TRMT11: variants seen among roughly 807,000 people sequenced by gnomAD.
TRMT11 encodes tRNA methyltransferase 11, also known as tRNA (guanine(10)-N(2))-methyltransferase TRMT11.
In TRMT11, 53 loss-of-function variants were observed where a neutral mutation model predicts 62.8. The ratio of observed to expected loss-of-function variants is 0.84; its 90% CI spans 0.68 to 1.06. TRMT11 has a LOEUF of 1.06. Ranked by LOEUF, TRMT11 falls within the 50% of genes least tolerant of loss-of-function variation. The pLI, the probability that TRMT11 is intolerant of heterozygous loss-of-function variation, is 0.00. For missense variants in TRMT11, 556 were observed against 553.4 expected (o/e 1.00, Z -0.05); for synonymous variants, 188 against 190.3 (o/e 0.99, Z 0.10).
At chr6:126,128,935 A>G (rs2128205113) in intron 21 of TRMT11, among the ~76,000 whole-genome samples, 1 of 126,128 alleles carries the variant, frequency 7.9e-6, no homozygotes, top group South Asian at 2.4e-4. Context: ...TTTTTTTTGC[A>G]CAGCTTTCAA....
At chr6:126,151,905 C>CTCTT (rs66890632) in intron 21 of TRMT11, among the ~76,000 whole-genome samples, 6,511 of 80,388 alleles carry the variant, frequency 0.081, 687 homozygotes, top group East Asian at 0.11. Flanking sequence ...TCTTTCTTTT[C>CTCTT]TCTTTCTTTC....
At chr6:126,121,986 G>C (rs938957779) in intron 21 of TRMT11, among the ~76,000 whole-genome samples, 2 of 152,066 alleles carry the variant, frequency 1.3e-5, no homozygotes, top group Non-Finnish European at 2.9e-5. Context: ...ATTCCCATGT[G>C]TCATAGGAGG....
At chr6:126,095,553 G>C (rs1030388733) in intron 17 of TRMT11, among the ~76,000 whole-genome samples, 8 of 152,304 alleles carry the variant, frequency 5.3e-5, no homozygotes, top group Middle Eastern at 3.4e-3. Context: ...TGTAGATCAC[G>C]TTATTCAGTC....
intron 16 of TRMT11, among the ~76,000 whole-genome samples, chr6:126,050,456 G>A (rs1280208543): frequency 6.6e-6 from 1 of 152,094 alleles, no homozygotes; most frequent in Non-Finnish European, 1.5e-5. Context: ...TATTCTCAGA[G>A]CTTTGAGAGG....
chr6:126,212,303 G>C, the TRMT11 span, among the ~76,000 whole-genome samples: 25 of 152,218 alleles, frequency 1.6e-4, no homozygotes, highest in African/African-American at 5.5e-4. Context: ...GGGATTGCTG[G>C]ATCATATGGT....
At chr6:126,083,073 A>G (rs1386904454) in intron 17 of TRMT11, among the ~76,000 whole-genome samples, 3 of 152,204 alleles carry the variant, frequency 2.0e-5, no homozygotes, top group Non-Finnish European at 4.4e-5. Context: ...TATTTTTCCA[A>G]AGAAGACATA....
the TRMT11 span, among the ~76,000 whole-genome samples, chr6:126,220,502 A>G: frequency 2.0e-5 from 3 of 152,152 alleles, no homozygotes; most frequent in South Asian, 2.1e-4. Context: ...TTTGCTCCCA[A>G]ATGAAAGGAG....
chr6:126,096,442 C>G (rs1458909244), intron 17 of TRMT11, among the ~76,000 whole-genome samples: 1 of 152,202 alleles, frequency 6.6e-6, no homozygotes, highest in East Asian at 1.9e-4. Context: ...GTCTCTAACT[C>G]TCAGCAGCAG....
At chr6:125,986,819 C>G (rs1489788195) in intron 1 of TRMT11, 197 bp downstream of exon 1, 1 of 563,992 alleles carries the variant, frequency 1.8e-6, no homozygotes. Flanking sequence ...GAGACCAAAC[C>G]CCTCGGCCTG....
At chr6:126,190,341 C>T (rs551382786) in intron 1 of TRMT11, among the ~76,000 whole-genome samples, 3 of 152,148 alleles carry the variant, frequency 2.0e-5, no homozygotes, top group South Asian at 4.1e-4. Flanking sequence ...ATGCTGTTCT[C>T]GAGATAGGGA....
At chr6:126,153,957 T>A (rs897617205) in intron 21 of TRMT11, among the ~76,000 whole-genome samples, 7 of 152,304 alleles carry the variant, frequency 4.6e-5, no homozygotes, top group African/African-American at 1.7e-4. Context: ...CAGTGAGTCA[T>A]TCTCACTGCA....
At chr6:126,052,584 C>T (rs534156982) in intron 16 of TRMT11, among the ~76,000 whole-genome samples, 1 of 152,194 alleles carries the variant, frequency 6.6e-6, no homozygotes, top group East Asian at 1.9e-4. Context: ...ATGCATTTGG[C>T]AGAGCTCATG....
chr6:126,184,857 C>G (rs1056950441), intron 1 of TRMT11, among the ~76,000 whole-genome samples: 1 of 152,132 alleles, frequency 6.6e-6, no homozygotes, highest in Non-Finnish European at 1.5e-5. Flanking sequence ...TAAATGCAAT[C>G]AGAGGCAGCC....
chr6:126,105,769 G>A (rs1777458024), intron 17 of TRMT11, among the ~76,000 whole-genome samples: 1 of 152,068 alleles, frequency 6.6e-6, no homozygotes, highest in Non-Finnish European at 1.5e-5. Flanking sequence ...GAGAGTAAGG[G>A]GAAAGCACAA....
intron 16 of TRMT11, among the ~76,000 whole-genome samples, chr6:126,049,504 A>C (rs1776151777): frequency 6.6e-6 from 1 of 151,620 alleles, no homozygotes; most frequent in South Asian, 2.1e-4. Flanking sequence ...GTTCCTCTGT[A>C]TTAGTTGTAT....
intron 17 of TRMT11, among the ~76,000 whole-genome samples, chr6:126,093,610 TATA>T (rs1380622448): frequency 1.8e-4 from 17 of 95,296 alleles, no homozygotes; most frequent in African/African-American, 9.2e-4. Flanking sequence ...TATATATATA[TATA>T]TATATATATA....
At chr6:126,054,305 T>C (rs1458688966) in intron 17 of TRMT11, among the ~76,000 whole-genome samples, 1 of 152,198 alleles carries the variant, frequency 6.6e-6, no homozygotes, top group Non-Finnish European at 1.5e-5. Context: ...GTCTTCTAAG[T>C]TGGGTGAATT....
chr6:126,151,973 T>TTTC (rs1562335041), intron 21 of TRMT11, among the ~76,000 whole-genome samples: 1,173 of 80,472 alleles, frequency 0.015, 104 homozygotes, highest in African/African-American at 0.022. Context: ...TTCTTTCCTC[T>TTTC]CTCTCTCCCC....
chr6:126,263,154 A>G, the TRMT11 span, among the ~76,000 whole-genome samples: 1 of 152,128 alleles, frequency 6.6e-6, no homozygotes, highest in Non-Finnish European at 1.5e-5. Flanking sequence ...TTGCCATCTC[A>G]AACCAGAACT....
Sources: allele counts gnomAD v4.1 joint callset (sites outside exome capture counted in the v4.1 genomes callset), GRCh38; gene constraint gnomAD v4.1.1; transcripts MANE v1.5; gene names NCBI Gene and HGNC (gene_info 2026-07-23, HGNC 2026-07-21).